NRXN2: variants seen among roughly 807,000 people sequenced by gnomAD.
NRXN2 encodes neurexin 2.
NRXN2 carries 29 observed loss-of-function variants against 128.8 expected under a neutral mutation model. The observed-to-expected ratio is 0.23, with a 90% CI of 0.17 to 0.31. The LOEUF is 0.31. NRXN2 is among the 10% of genes least tolerant of loss of function. The pLI is 1.00. For missense variants in NRXN2, 1,881 were observed against 2,452.6 expected (o/e 0.77, Z 4.92); for synonymous variants, 1,098 against 1,075.2 (o/e 1.02, Z -0.41).
chr11:64,617,492 T>A (rs1376100152), intron 22 of NRXN2, among the ~76,000 whole-genome samples: 2 of 152,128 alleles, frequency 1.3e-5, no homozygotes, highest in Non-Finnish European at 2.9e-5. Flanking sequence ...AAAATAACCG[T>A]GTAGATGATG....
In NRXN2 at chr11:64,632,212, T is replaced by C. The variant is rs2044014291; in HGVS notation, c.3586-1639A>G. 6.6e-6 allele frequency among the ~76,000 whole-genome samples: 1 copy of C among 152,178 alleles called. No individual in the cohort carries two copies. The highest frequency in any genetic ancestry group is 2.1e-4 in the South Asian group (1 of 4,832). On this transcript the variant is annotated intron_variant, in intron 18 of 22. Coordinates refer to ENST00000265459, the MANE Select transcript of NRXN2 (RefSeq NM_015080.4). This position sits in a 1 kb window ranked among gnomAD's most constrained non-coding sequence, Gnocchi z 4.2. ...CCCATGTCCTATCCCTTCCCACTTGTGGGGTCCAGTTGTCTCCTTCTCAGA... is the reference window on the plus strand; with the variant it reads ...CCCATGTCCTATCCCTTCCCACTTGCGGGGTCCAGTTGTCTCCTTCTCAGA...
At chr11:64,692,297 G>T (rs895103465) in intron 4 of NRXN2, among the ~76,000 whole-genome samples, 1 of 152,116 alleles carries the variant, frequency 6.6e-6, no homozygotes, top group Non-Finnish European at 1.5e-5. Context: ...CTGTGGAAAC[G>T]GAGAGACCCT....
chr11:64,647,517 CCT>C (rs1393894441), intron 17 of NRXN2, among the ~76,000 whole-genome samples: 2 of 152,124 alleles, frequency 1.3e-5, no homozygotes, highest in Non-Finnish European at 1.5e-5. Context: ...CTGACCCTGC[CCT>C]CTCTGGGGAG....
intron 7 of NRXN2, chr11:64,675,357 T>C (rs917099057): frequency 3.3e-5 from 5 of 152,234 alleles, no homozygotes; most frequent in African/African-American, 1.2e-4. Flanking sequence ...TCTGCAAAAG[T>C]ATCAGGAAAA....
intron 9 of NRXN2, among the ~76,000 whole-genome samples, chr11:64,661,958 G>T (rs999603585): frequency 2.0e-5 from 3 of 152,054 alleles, no homozygotes; most frequent in Non-Finnish European, 4.4e-5. Context: ...TTCTTCAGAA[G>T]TAGAGGGTGC....
rs997115651 is a variant in NRXN2 at position 64,651,885 on chromosome 11, T to G, written c.2536+150A>C. The G allele has an allele frequency of 3.9e-6, 5 of 1,291,286 alleles. No individual in the cohort carries two copies. Among genetic ancestry groups the G allele is most frequent in the Non-Finnish European group, 5.5e-6 (5 of 907,998 alleles). 80.0% of individuals were successfully genotyped at this position (1,291,286 alleles called of 1,614,324 possible). ...ATCGTTCCTGGGGTCCAGATGCCCA[T>G]AACATTCCACCCCTGAAGGAGAAAT... On this transcript the variant is annotated intron_variant, in intron 13 of 22. Coordinates refer to ENST00000265459, the MANE Select transcript of NRXN2 (RefSeq NM_015080.4). The surrounding 1 kb of genome is among the most constrained non-coding windows in gnomAD (Gnocchi z 5.9).
At chr11:64,653,949 G>A (rs74713208) in intron 11 of NRXN2, among the ~76,000 whole-genome samples, 12 of 152,126 alleles carry the variant, frequency 7.9e-5, no homozygotes, top group African/African-American at 2.9e-4. Flanking sequence ...TGGAAGGCAG[G>A]GCAGTCAGAT....
chr11:64,630,203 C>A lies in NRXN2; in HGVS notation c.3757+199G>T, dbSNP rs1348670485. On this transcript the variant is annotated intron_variant, in intron 19 of 22. Coordinates refer to ENST00000265459, the MANE Select transcript of NRXN2 (RefSeq NM_015080.4). This position sits in a 1 kb window ranked among gnomAD's most constrained non-coding sequence, Gnocchi z 4.6. Reference sequence around the variant, plus strand: ...TCGCACCACCACGGTCTCGCCCCGCCGCCACAAATCCCGACTTTTCCTAGC... The same window carrying A: ...TCGCACCACCACGGTCTCGCCCCGCAGCCACAAATCCCGACTTTTCCTAGC... 6.6e-6 allele frequency among the ~76,000 whole-genome samples: 1 copy of A among 152,148 alleles called. No individual in the cohort carries two copies. The highest frequency in any genetic ancestry group is 1.5e-5 in the Non-Finnish European group (1 of 68,014).
chr11:64,713,710 G>A lies in NRXN2; in HGVS notation c.-11C>T, dbSNP rs2057177572. On this transcript the variant is annotated 5_prime_UTR_variant, in exon 2 of 23. Transcript: ENST00000265459. ...GCTCCCGGACGCCATGCCTACGGCG[G>A]CCCCGGCCCCGCCCGGCCCCCGGCC... The A allele has an allele frequency of 9.4e-7, 1 of 1,066,670 alleles. No individual in the cohort carries two copies. Among genetic ancestry groups the A allele is most frequent in the Non-Finnish European group, 1.1e-6 (1 of 884,670 alleles). 66.1% of individuals were successfully genotyped at this position (1,066,670 alleles called of 1,614,324 possible).
At chr11:64,628,375 TC>T (rs750615127) in intron 19 of NRXN2, among the ~76,000 whole-genome samples, 24 of 150,488 alleles carry the variant, frequency 1.6e-4, no homozygotes, top group African/African-American at 2.7e-4. Context: ...AATCAGAGGG[TC>T]CCCCCCCACT....
At chr11:64,673,957 T>C (rs2050959346) in intron 7 of NRXN2, among the ~76,000 whole-genome samples, 1 of 149,686 alleles carries the variant, frequency 6.7e-6, no homozygotes, top group African/African-American at 2.5e-5. Flanking sequence ...AGAATTGCTT[T>C]AACCCTGGAG....
In NRXN2 at chr11:64,635,377, G is replaced by A; in HGVS notation, c.3479C>T (p.Thr1160Met). 1.2e-6 allele frequency: 2 copies of A among 1,613,778 alleles called. No homozygotes were observed. The highest frequency in any genetic ancestry group is 1.7e-6 in the Non-Finnish European group (2 of 1,180,016). ...GCCCACGGCCAGGCGATCCATCCTCGTGCTGGGCCTGTCATTGGGGGGCCA... is the reference window on the plus strand; with the variant it reads ...GCCCACGGCCAGGCGATCCATCCTCATGCTGGGCCTGTCATTGGGGGGCCA... ...YTWPPNDRPS[T>M]RMDRLAVGFS... The change falls in exon 18 of 23, where the codon ACG becomes ATG. Residue 1160 changes from threonine (T) to methionine (M), a missense_variant. Physicochemically the swap from Thr to Met is moderately conservative, Grantham distance 81. This residue lies in a region of NRXN2 where 390 missense variants were observed against 599.6 expected (regional missense o/e 0.65). Transcript: ENST00000265459. This position sits in a 1 kb window ranked among gnomAD's most constrained non-coding sequence, Gnocchi z 4.8.
chr11:64,704,623 C>CACACACAGAGAGAGAGAGAG (rs1336665936), intron 2 of NRXN2, among the ~76,000 whole-genome samples: 2 of 81,178 alleles, frequency 2.5e-5, no homozygotes, highest in African/African-American at 9.5e-5. Flanking sequence ...CACACACACA[C>CACACACAGAGAGAGAGAGAG]AGAGAGAGAG....
chr11:64,722,533 T>C lies in NRXN2; in HGVS notation c.-245+438A>G, dbSNP rs1380336624. 2.6e-5 allele frequency among the ~76,000 whole-genome samples: 4 copies of C among 151,262 alleles called. No homozygotes were observed. In the East Asian group the frequency reaches 7.8e-4, roughly 30 times the overall value. Reference sequence around the variant, plus strand: ...CTTCCCTCTCCACTTCTCTCTCTTCTCCAGCCCCCTCTCCTCTCCTCCCAC... The same window carrying C: ...CTTCCCTCTCCACTTCTCTCTCTTCCCCAGCCCCCTCTCCTCTCCTCCCAC... On this transcript the variant is annotated intron_variant, in intron 1 of 22. Coordinates refer to ENST00000265459, the MANE Select transcript of NRXN2 (RefSeq NM_015080.4).
At chr11:64,680,670 G>T (rs567806261) in intron 6 of NRXN2, among the ~76,000 whole-genome samples, 1 of 152,332 alleles carries the variant, frequency 6.6e-6, no homozygotes, top group South Asian at 2.1e-4. Flanking sequence ...ATAGTAAAGA[G>T]AAATGAGATC....
At chr11:64,710,884 A>G (rs2056821673) in intron 2 of NRXN2, among the ~76,000 whole-genome samples, 1 of 152,146 alleles carries the variant, frequency 6.6e-6, no homozygotes, top group Non-Finnish European at 1.5e-5. Context: ...GGGCCTCTAC[A>G]CGCAGGCAAA....
intron 17 of NRXN2, chr11:64,643,249 A>G (rs1228314037): frequency 1.2e-4 from 118 of 973,730 alleles, no homozygotes; most frequent in Non-Finnish European, 1.3e-4. Flanking sequence ...GAGAAGAGGG[A>G]CGGAGACCTG....
At chr11:64,657,601 A>T (rs1480786653) in intron 11 of NRXN2, among the ~76,000 whole-genome samples, 3 of 152,034 alleles carry the variant, frequency 2.0e-5, no homozygotes, top group Non-Finnish European at 2.9e-5. Flanking sequence ...TTTAAAGATT[A>T]AAAAAAAGAG....
intron 6 of NRXN2, among the ~76,000 whole-genome samples, chr11:64,683,385 C>T (rs2518906): frequency 6.6e-6 from 1 of 152,040 alleles, no homozygotes; most frequent in Non-Finnish European, 1.5e-5. Flanking sequence ...TTTGGGAGGC[C>T]AAGGCAGGAG....
Sources: allele counts gnomAD v4.1 joint callset (sites outside exome capture counted in the v4.1 genomes callset), GRCh38; gene constraint gnomAD v4.1.1; regional missense constraint gnomAD v4.1.1; non-coding constraint Gnocchi (gnomAD v3.1); transcripts MANE v1.5; gene names NCBI Gene and HGNC (gene_info 2026-07-23, HGNC 2026-07-21).